Variants in GALNT13 observed in about 807,000 individuals in gnomAD.
The protein encoded by GALNT13 is polypeptide N-acetylgalactosaminyltransferase 13.
In GALNT13, 28 loss-of-function variants were observed where a neutral mutation model predicts 64.2. That is an observed-to-expected ratio of 0.44 (90% confidence interval 0.32 to 0.60). The LOEUF (loss-of-function observed/expected upper bound fraction) is 0.60. Ranked by LOEUF, GALNT13 falls within the 20% of genes least tolerant of loss-of-function variation. GALNT13 has a pLI of 0.05. For synonymous variants in GALNT13, 214 were observed against 224.6 expected (o/e 0.95, Z 0.42); for missense variants, 577 against 669.8 (o/e 0.86, Z 1.53).
the GALNT13 span, among the ~76,000 whole-genome samples, chr2:153,203,337 T>C: frequency 6.6e-6 from 1 of 152,226 alleles, no homozygotes; most frequent in Non-Finnish European, 1.5e-5. Context: ...CTGACTGTTA[T>C]AAATTGAAAG....
the GALNT13 span, among the ~76,000 whole-genome samples, chr2:153,306,526 T>G: frequency 6.6e-6 from 1 of 152,194 alleles, no homozygotes; most frequent in African/African-American, 2.4e-5. Context: ...TTTCCTTTCA[T>G]AAAAACAATT....
At chr2:153,750,382 A>G in the GALNT13 span, among the ~76,000 whole-genome samples, 1 of 151,856 alleles carries the variant, frequency 6.6e-6, no homozygotes, top group East Asian at 1.9e-4. Context: ...ATATTTTGGA[A>G]TAGTTTAAGT....
chr2:153,865,038 T>C, the GALNT13 span, among the ~76,000 whole-genome samples: 1 of 149,172 alleles, frequency 6.7e-6, no homozygotes, highest in Admixed American at 6.7e-5. Flanking sequence ...TTGACAAACC[T>C]GAGAAAAACA....
intron 9 of GALNT13, among the ~76,000 whole-genome samples, chr2:154,328,235 T>C (rs1694981931): frequency 6.6e-6 from 1 of 152,124 alleles, no homozygotes; most frequent in South Asian, 2.1e-4. Context: ...TAATAAACTT[T>C]CTTTTGCTTT....
the GALNT13 span, among the ~76,000 whole-genome samples, chr2:153,433,582 A>AT: frequency 5.3e-5 from 8 of 152,028 alleles, no homozygotes; most frequent in East Asian, 1.9e-4. Flanking sequence ...TTAATAATAC[A>AT]TTTTTTTAAT....
At chr2:153,923,683 C>CT (rs1404268870) in intron 2 of GALNT13, among the ~76,000 whole-genome samples, 1 of 150,002 alleles carries the variant, frequency 6.7e-6, no homozygotes, top group African/African-American at 2.5e-5. Flanking sequence ...AATGCTATCC[C>CT]TTCCCCCTCC....
At chr2:153,241,856 A>G in the GALNT13 span, among the ~76,000 whole-genome samples, 2 of 152,052 alleles carry the variant, frequency 1.3e-5, no homozygotes, top group East Asian at 3.9e-4. Context: ...ATAGAATAGT[A>G]TGTGAGTTTA....
At chr2:153,138,753 T>C in the GALNT13 span, among the ~76,000 whole-genome samples, 2 of 152,110 alleles carry the variant, frequency 1.3e-5, no homozygotes, top group Non-Finnish European at 2.9e-5. Flanking sequence ...CTGACACTTC[T>C]CACCCCAAGC....
intron 11 of GALNT13, among the ~76,000 whole-genome samples, chr2:154,411,748 A>T (rs1278214524): frequency 6.6e-6 from 1 of 151,772 alleles, no homozygotes; most frequent in African/African-American, 2.4e-5. Context: ...TGCATACAGT[A>T]GTACATGTAT....
At chr2:153,588,324 G>T in the GALNT13 span, among the ~76,000 whole-genome samples, 1 of 152,214 alleles carries the variant, frequency 6.6e-6, no homozygotes, top group Non-Finnish European at 1.5e-5. Context: ...CTTCTGCACT[G>T]CCCTAGCAGA....
chr2:153,654,293 G>A, the GALNT13 span, among the ~76,000 whole-genome samples: 1 of 152,040 alleles, frequency 6.6e-6, no homozygotes, highest in Non-Finnish European at 1.5e-5. Flanking sequence ...CTAACCAAAT[G>A]CAATTGTGTG....
chr2:154,296,755 T>C (rs1002125876), intron 8 of GALNT13, among the ~76,000 whole-genome samples: 5 of 152,180 alleles, frequency 3.3e-5, no homozygotes, highest in African/African-American at 1.2e-4. Flanking sequence ...TATTTTTATT[T>C]TATTTTTTTA....
At chr2:153,652,605 ACT>A in the GALNT13 span, among the ~76,000 whole-genome samples, 1 of 151,994 alleles carries the variant, frequency 6.6e-6, no homozygotes, top group Admixed American at 6.6e-5. Flanking sequence ...ACAGAGTGAG[ACT>A]CTGTCTCAAA....
At chr2:153,281,823 CTT>C in the GALNT13 span, among the ~76,000 whole-genome samples, 251 of 131,976 alleles carry the variant, frequency 1.9e-3, 6 homozygotes, top group East Asian at 0.047. Flanking sequence ...GCTTTTAAGG[CTT>C]TTTTTTTTTT....
At chr2:154,109,597 G>A (rs762786620) in intron 3 of GALNT13, among the ~76,000 whole-genome samples, 5 of 152,062 alleles carry the variant, frequency 3.3e-5, no homozygotes, top group Non-Finnish European at 4.4e-5. Flanking sequence ...GAATATAAAT[G>A]TTAGCTGTCA....
the GALNT13 span, among the ~76,000 whole-genome samples, chr2:153,500,565 G>T: frequency 9.2e-5 from 14 of 152,328 alleles, no homozygotes; most frequent in South Asian, 2.5e-3. Flanking sequence ...TTTACATTAT[G>T]TATCCCTTTT....
intron 8 of GALNT13, among the ~76,000 whole-genome samples, chr2:154,267,348 G>C (rs987371086): frequency 6.6e-6 from 1 of 152,006 alleles, no homozygotes; most frequent in Non-Finnish European, 1.5e-5. Flanking sequence ...TTAAAAACTT[G>C]TGCTTTTCAG....
chr2:154,329,394 T>C (rs1695049386), intron 9 of GALNT13, among the ~76,000 whole-genome samples: 1 of 152,216 alleles, frequency 6.6e-6, no homozygotes, highest in South Asian at 2.1e-4. Context: ...TAAGCCACCA[T>C]GCCCAGCCTG....
the GALNT13 span, among the ~76,000 whole-genome samples, chr2:153,183,781 G>T: frequency 6.6e-6 from 1 of 152,142 alleles, no homozygotes; most frequent in South Asian, 2.1e-4. Context: ...ATGGTTCTGG[G>T]CATGTGGTCT....
Sources: allele counts gnomAD v4.1 joint callset (sites outside exome capture counted in the v4.1 genomes callset), GRCh38; gene constraint gnomAD v4.1.1; transcripts MANE v1.5; gene names NCBI Gene and HGNC (gene_info 2026-07-23, HGNC 2026-07-21).